The following CENPP variants were observed in gnomAD, a reference collection of about 807,000 sequenced individuals.
CENPP encodes centromere protein P.
A neutral mutation model predicts 35.6 loss-of-function variants in CENPP; 24 were observed. The ratio of observed to expected loss-of-function variants is 0.67; its 90% confidence interval spans 0.49 to 0.95. The LOEUF (loss-of-function observed/expected upper bound fraction) is 0.95, where lower values mean the gene tolerates loss of function less well. CENPP is among the 40% of genes least tolerant of loss of function. The pLI is 0.00. For missense variants in CENPP, 332 were observed against 345.3 expected (o/e 0.96, Z 0.31); for synonymous variants, 120 against 125.5 (o/e 0.96, Z 0.29).
At position 92,548,372 on chromosome 9, in the gene CENPP, C is replaced by T. The variant is rs144051741; in HGVS notation, c.565-62942C>T. On this transcript the variant is annotated intron_variant, in intron 5 of 7. Transcript: ENST00000375587. ...TTAAGACAAAACCATTATTTCAGCT[C>T]AGCAAAGGGAACAAAAGGATACCTG... Among the ~76,000 whole-genome samples, 463 of 152,260 alleles carry T rather than the reference C, an allele frequency of 3.0e-3. 4 individuals are homozygous for T. Among genetic ancestry groups the T allele is most frequent in the African/African-American group, 0.01 (430 of 41,540 alleles).
At chr9:92,400,778 C>A (rs1487028757) in intron 5 of CENPP, among the ~76,000 whole-genome samples, 1 of 152,178 alleles carries the variant, frequency 6.6e-6, no homozygotes, top group Non-Finnish European at 1.5e-5. Context: ...TATACTGAGG[C>A]TGCACATTGT....
chr9:92,433,461 A>T (rs1374020252), intron 5 of CENPP, among the ~76,000 whole-genome samples: 2 of 152,190 alleles, frequency 1.3e-5, no homozygotes, highest in Non-Finnish European at 2.9e-5. Context: ...AGGCAGCCTG[A>T]TACCTTTTTT....
At chr9:92,471,437 C>T (rs757955815) in intron 5 of CENPP, among the ~76,000 whole-genome samples, 1 of 151,862 alleles carries the variant, frequency 6.6e-6, no homozygotes, top group Non-Finnish European at 1.5e-5. Flanking sequence ...CCTCGTGATT[C>T]GCCTGACTGG....
chr9:92,612,641 G>A (rs749096881), intron 7 of CENPP, 27 bp downstream of exon 7: 1 of 1,568,570 alleles, frequency 6.4e-7, no homozygotes, highest in Admixed American at 1.7e-5. Context: ...GGCTGCTCTA[G>A]GTGACTTCTC....
chr9:92,549,223 C>G (rs1226724304), intron 5 of CENPP, among the ~76,000 whole-genome samples: 1 of 152,160 alleles, frequency 6.6e-6, no homozygotes, highest in African/African-American at 2.4e-5. Flanking sequence ...GAACTAGAAT[C>G]AATGGACAGA....
intron 5 of CENPP, among the ~76,000 whole-genome samples, chr9:92,391,473 C>T (rs1328424570): frequency 1.3e-4 from 19 of 151,836 alleles, no homozygotes; most frequent in African/African-American, 2.4e-5. Flanking sequence ...GTGGCACATG[C>T]CTGTAGTCTC....
At chr9:92,418,545 G>A (rs933335644) in intron 5 of CENPP, among the ~76,000 whole-genome samples, 8 of 152,072 alleles carry the variant, frequency 5.3e-5, no homozygotes, top group African/African-American at 1.9e-4. Flanking sequence ...GTCAACTACA[G>A]TCTGATCCCT....
At chr9:92,403,390 A>G in intron 5 of CENPP, 1 of 1,610,606 alleles carries the variant, frequency 6.2e-7, no homozygotes, top group Non-Finnish European at 8.5e-7. Context: ...GGAGAAGTGT[A>G]GACTGCAGAG....
At chr9:92,478,710 C>T (rs930276027) in intron 5 of CENPP, among the ~76,000 whole-genome samples, 18 of 152,262 alleles carry the variant, frequency 1.2e-4, no homozygotes, top group Middle Eastern at 6.8e-3. Context: ...ATCTCGGCCT[C>T]CCAAAGTGTG....
At chr9:92,420,757 G>T (rs553895008) in intron 5 of CENPP, among the ~76,000 whole-genome samples, 10 of 145,240 alleles carry the variant, frequency 6.9e-5, no homozygotes, top group Admixed American at 4.8e-4. Flanking sequence ...TTTTGTTTTT[G>T]TTTTTTTTTT....
chr9:92,589,343 CA>C (rs568284455), intron 5 of CENPP, among the ~76,000 whole-genome samples: 101 of 130,348 alleles, frequency 7.7e-4, no homozygotes, highest in South Asian at 1.8e-3. Context: ...GACCCTGTCT[CA>C]AAAAAAAAAA....
chr9:92,455,311 G>A (rs1463677594), intron 5 of CENPP, among the ~76,000 whole-genome samples: 1 of 152,146 alleles, frequency 6.6e-6, no homozygotes, highest in Non-Finnish European at 1.5e-5. Context: ...GATTGCTTGA[G>A]CCTAGGAGTT....
intron 5 of CENPP, among the ~76,000 whole-genome samples, chr9:92,570,542 T>C (rs1026772748): frequency 3.9e-5 from 6 of 152,214 alleles, no homozygotes; most frequent in African/African-American, 1.2e-4. Flanking sequence ...AAATGCTCTT[T>C]TTTTGTGGTG....
chr9:92,546,549 C>G (rs916863175), intron 5 of CENPP, among the ~76,000 whole-genome samples: 2 of 152,076 alleles, frequency 1.3e-5, no homozygotes, highest in Non-Finnish European at 2.9e-5. Flanking sequence ...ACGCCAAGGT[C>G]TGCAGCTTCA....
intron 5 of CENPP, among the ~76,000 whole-genome samples, chr9:92,509,476 C>T (rs1173740012): frequency 2.0e-5 from 3 of 152,178 alleles, no homozygotes; most frequent in African/African-American, 7.2e-5. Flanking sequence ...TGGGTGGGGT[C>T]TGTTGACCAT....
At chr9:92,494,494 TAAC>T (rs2131128750) in intron 5 of CENPP, among the ~76,000 whole-genome samples, 1 of 152,322 alleles carries the variant, frequency 6.6e-6, no homozygotes, top group South Asian at 2.1e-4. Flanking sequence ...GTTTTCTTCC[TAAC>T]AACCTGCTAT....
chr9:92,342,441 A>G (rs1463353068), intron 3 of CENPP, among the ~76,000 whole-genome samples: 4 of 152,360 alleles, frequency 2.6e-5, no homozygotes, highest in East Asian at 3.9e-4. Context: ...CTCTAAAGAG[A>G]CATGAGTTGT....
At chr9:92,556,010 T>C (rs1006339358) in intron 5 of CENPP, among the ~76,000 whole-genome samples, 2 of 152,316 alleles carry the variant, frequency 1.3e-5, no homozygotes, top group South Asian at 2.1e-4. Flanking sequence ...TTCAGACTTT[T>C]TGATGTGGGC....
chr9:92,498,480 A>T (rs1304014694), intron 5 of CENPP, among the ~76,000 whole-genome samples: 1 of 152,068 alleles, frequency 6.6e-6, no homozygotes, highest in Non-Finnish European at 1.5e-5. Flanking sequence ...AAAGACAATC[A>T]TAGAAGTAAG....
Sources: allele counts gnomAD v4.1 joint callset (sites outside exome capture counted in the v4.1 genomes callset), GRCh38; gene constraint gnomAD v4.1.1; transcripts MANE v1.5; gene names NCBI Gene and HGNC (gene_info 2026-07-23, HGNC 2026-07-21).